The following PATJ variants were observed in gnomAD, a reference collection of about 807,000 sequenced individuals.
PATJ encodes PATJ crumbs cell polarity complex component.
PATJ carries 190 observed loss-of-function variants against 224.9 expected under a neutral mutation model. The observed-to-expected ratio is 0.84, with a 90% confidence interval of 0.75 to 0.95. The LOEUF is 0.95. PATJ is among the 40% of genes least tolerant of loss of function. The pLI is 0.00. For missense variants in PATJ, 2,121 were observed against 2,270.3 expected (o/e 0.93, Z 1.34); for synonymous variants, 769 against 820.3 (o/e 0.94, Z 1.07).
intron 39 of PATJ, among the ~76,000 whole-genome samples, chr1:62,124,171 C>T (rs1043352303): frequency 6.6e-6 from 1 of 152,106 alleles, no homozygotes; most frequent in African/African-American, 2.4e-5. Flanking sequence ...CAACCTCCAC[C>T]TCCTGGGTTC....
rs1481097585 is a variant in PATJ at position 61,747,470 on chromosome 1, G to A, written c.-36+4915G>A. 2.0e-5 allele frequency among the ~76,000 whole-genome samples: 3 copies of A among 152,172 alleles called. No homozygotes were observed. In the East Asian group the frequency reaches 5.8e-4, roughly 29 times the overall value. On this transcript the variant is annotated intron_variant, in intron 1 of 43. Coordinates refer to ENST00000642238, the MANE Select transcript of PATJ (RefSeq NM_001350145.3). ...CAGAATCTGGTCCCATTTGCAAATG[G>A]TCTGCCTTACAGAGATTTGGCGAGG...
intron 3 of PATJ, among the ~76,000 whole-genome samples, 198 bp downstream of exon 3, chr1:61,763,377 T>C (rs1425985332): frequency 6.6e-6 from 1 of 151,962 alleles, no homozygotes; most frequent in Non-Finnish European, 1.5e-5. Context: ...ATCAATTTTT[T>C]CTTTGGTAAC....
At chr1:62,119,999 A>G (rs1292209605) in intron 37 of PATJ, among the ~76,000 whole-genome samples, 1 of 152,208 alleles carries the variant, frequency 6.6e-6, no homozygotes, top group Non-Finnish European at 1.5e-5. Flanking sequence ...GAAATTTTTT[A>G]AAGGCAAAAG....
chr1:61,929,425 G>C (rs949285987), intron 27 of PATJ, among the ~76,000 whole-genome samples: 1 of 151,510 alleles, frequency 6.6e-6, no homozygotes, highest in African/African-American at 2.4e-5. Flanking sequence ...GTATTGTTGT[G>C]ACAATTAGAG....
chr1:62,045,192 G>A (rs545139139), intron 30 of PATJ, among the ~76,000 whole-genome samples: 25 of 151,506 alleles, frequency 1.7e-4, no homozygotes, highest in Non-Finnish European at 3.2e-4. Flanking sequence ...TTGCACTCCA[G>A]CCTGGGCAAC....
intron 29 of PATJ, among the ~76,000 whole-genome samples, chr1:62,034,376 G>A (rs1334579448): frequency 1.3e-5 from 2 of 150,604 alleles, no homozygotes; most frequent in South Asian, 2.1e-4. Flanking sequence ...CTGGGAGGTG[G>A]AGGCTGCAGT....
intron 1 of PATJ, among the ~76,000 whole-genome samples, chr1:61,755,063 T>C (rs1645556488): frequency 6.6e-6 from 1 of 151,956 alleles, no homozygotes; most frequent in Non-Finnish European, 1.5e-5. Context: ...GGGATTACAC[T>C]TTGGGAGGCC....
At chr1:61,901,527 A>G (rs1356188521) in intron 24 of PATJ, 68 bp downstream of exon 24, 3 of 1,179,812 alleles carry the variant, frequency 2.5e-6, no homozygotes, top group African/African-American at 1.6e-5. Context: ...TCATTTAGCT[A>G]GAAGACCTTT....
At chr1:62,056,322 T>C (rs1361935673) in intron 31 of PATJ, among the ~76,000 whole-genome samples, 3 of 152,224 alleles carry the variant, frequency 2.0e-5, no homozygotes, top group African/African-American at 7.2e-5. Flanking sequence ...AGTAGTTATA[T>C]AGTAGTATCA....
At chr1:62,142,862 CT>C (rs1404354448) in intron 41 of PATJ, among the ~76,000 whole-genome samples, 1 of 152,096 alleles carries the variant, frequency 6.6e-6, no homozygotes, top group African/African-American at 2.4e-5. Context: ...ATGGAGGGAA[CT>C]TTATATGCAT....
chr1:61,810,966 T>G (rs1008367411), intron 14 of PATJ, among the ~76,000 whole-genome samples: 11 of 152,130 alleles, frequency 7.2e-5, no homozygotes, highest in Non-Finnish European at 1.5e-4. Context: ...TATTAATTAC[T>G]GCATTATAGT....
At chr1:61,783,986 C>CAAAAA (rs1647963702) in intron 7 of PATJ, among the ~76,000 whole-genome samples, 2 of 151,850 alleles carry the variant, frequency 1.3e-5, no homozygotes, top group African/African-American at 4.8e-5. Context: ...GACTCCCTCT[C>CAAAAA]AAACAAAAAC....
chr1:61,802,025 G>T (rs1652635086), intron 12 of PATJ, among the ~76,000 whole-genome samples: 1 of 149,848 alleles, frequency 6.7e-6, no homozygotes, highest in African/African-American at 2.5e-5. Flanking sequence ...CAATGTTAGT[G>T]TGCTGCACCC....
chr1:61,957,033 G>A (rs1447612347), intron 27 of PATJ, among the ~76,000 whole-genome samples: 3 of 152,154 alleles, frequency 2.0e-5, no homozygotes, highest in Admixed American at 2.0e-4. Context: ...CTCCCCATGA[G>A]TATGTGGCCA....
intron 41 of PATJ, among the ~76,000 whole-genome samples, chr1:62,141,396 C>T (rs563995850): frequency 1.1e-4 from 16 of 152,228 alleles, no homozygotes; most frequent in African/African-American, 3.6e-4. Flanking sequence ...TGAGCATAGC[C>T]GGGCGCGTTG....
chr1:61,894,553 C>T (rs569062282), intron 22 of PATJ, among the ~76,000 whole-genome samples: 1 of 152,288 alleles, frequency 6.6e-6, no homozygotes, highest in African/African-American at 2.4e-5. Flanking sequence ...TGTCTCTTTC[C>T]TGCCAACATG....
intron 30 of PATJ, among the ~76,000 whole-genome samples, chr1:62,048,545 C>CAAAAAAA (rs773157635): frequency 6.2e-4 from 41 of 66,148 alleles, no homozygotes; most frequent in East Asian, 4.2e-3. Flanking sequence ...GACTCTGTCT[C>CAAAAAAA]AAAAAAAAAA....
At chr1:61,893,885 G>A (rs1669960576) in intron 22 of PATJ, among the ~76,000 whole-genome samples, 1 of 151,674 alleles carries the variant, frequency 6.6e-6, no homozygotes, top group African/African-American at 2.4e-5. Flanking sequence ...TATGATTTGG[G>A]GTACAGGAAG....
Position 62,123,002 on chromosome 1 carries a change from T to G in PATJ, c.5006-19T>G. ...TTATTTTTTAATATTAAAAAGTTAA[T>G]TGTGTTGCTTCTTTATAGGCACAGA... On this transcript the variant is annotated intron_variant, in intron 38 of 43. Coordinates refer to ENST00000642238, the MANE Select transcript of PATJ (RefSeq NM_001350145.3). 6.5e-7 allele frequency: 1 copy of G among 1,529,922 alleles called. No homozygotes were observed. The highest frequency in any genetic ancestry group is 9.0e-7 in the Non-Finnish European group (1 of 1,117,314). 94.8% of individuals were successfully genotyped at this position (1,529,922 alleles called of 1,614,324 possible).
Sources: gnomAD v4.1 joint callset for allele counts (sites outside exome capture counted in the v4.1 genomes callset) on GRCh38, gnomAD v4.1.1 for gene constraint, MANE v1.5 for transcripts, NCBI Gene and HGNC (gene_info 2026-07-23, HGNC 2026-07-21) for gene names.